Variants in NEBL observed in about 807,000 individuals in gnomAD.
NEBL encodes the protein LIM and SH3 protein 2.
Under a neutral mutation model 140.2 loss-of-function variants are expected in NEBL, and 122 were observed. The ratio of observed to expected loss-of-function variants is 0.87; its 90% CI spans 0.75 to 1.01. The LOEUF is 1.01. Among genes scored for constraint, NEBL ranks in the 50% least tolerant of loss-of-function variants. The probability of loss-of-function intolerance (pLI) is 0.00; values close to 1 mark genes in which losing one functional copy is unlikely to be tolerated. For synonymous variants in NEBL, 436 were observed against 398.9 expected, an observed-to-expected ratio of 1.09 and a Z score of -1.11; for missense variants, 1,365 against 1,231.3, an observed-to-expected ratio of 1.11 and a Z score of -1.62.
At chr10:21,175,945 A>G (rs1035795821), upstream of NEBL, among the ~76,000 whole-genome samples, 3 of 152,152 alleles carry the variant, frequency 2.0e-5, no homozygotes, top group Non-Finnish European at 2.9e-5. Flanking sequence ...GATATGTGAC[A>G]TTATAGCTGA....
chr10:20,859,023 C>G (rs1179057591), intron 8 of NEBL, among the ~76,000 whole-genome samples: 7 of 152,080 alleles, frequency 4.6e-5, no homozygotes, highest in Non-Finnish European at 1.0e-4. Context: ...TTCCATGTTC[C>G]TTTAAGTATA....
chr10:20,982,716 T>G (rs1425536137), intron 3 of NEBL, among the ~76,000 whole-genome samples: 1 of 152,224 alleles, frequency 6.6e-6, no homozygotes, highest in African/African-American at 2.4e-5. Context: ...GTTCTTAGTA[T>G]GGCCTTCCCC....
intron 2 of NEBL, among the ~76,000 whole-genome samples, chr10:21,112,459 AG>A (rs1462080316): frequency 3.3e-5 from 5 of 152,078 alleles, no homozygotes; most frequent in Non-Finnish European, 5.9e-5. Flanking sequence ...TGAAGCTGGA[AG>A]TGATCATTCT....
intron 2 of NEBL, among the ~76,000 whole-genome samples, chr10:21,074,566 C>T (rs1463250907): frequency 6.7e-6 from 1 of 149,738 alleles, no homozygotes; most frequent in Non-Finnish European, 1.5e-5. Context: ...CAACCTCTTC[C>T]TCCTGGGTTC....
At chr10:21,193,706 G>C (rs370197279) in intron 3 of NEBL, among the ~76,000 whole-genome samples, 1 of 152,148 alleles carries the variant, frequency 6.6e-6, no homozygotes, top group South Asian at 2.1e-4. Context: ...GCTTACTCAA[G>C]CACAGTACCA....
In NEBL at chr10:21,120,878, C is replaced by T. The variant is rs569417066; in HGVS notation, c.164+51505G>A. Among the ~76,000 whole-genome samples, 11 of 152,122 alleles carry T rather than the reference C, an allele frequency of 7.2e-5. No individual in the cohort carries two copies. In the South Asian group the frequency reaches 2.3e-3, roughly 32 times the overall value. Reference sequence around the variant, plus strand: ...CATTTTCCCTATGGTTAATCTGGTTCAAAGGAATTATTCCATTCTATTGTG... The same window carrying T: ...CATTTTCCCTATGGTTAATCTGGTTTAAAGGAATTATTCCATTCTATTGTG... On this transcript the variant is annotated intron_variant, in intron 2 of 6. Transcript: ENST00000417816.
Position 20,840,940 on chromosome 10 carries a change from G to T in NEBL, c.1228-91C>A. 7.7e-6 allele frequency: 6 copies of T among 776,982 alleles called. No homozygotes were observed. The South Asian group carries it at 8.9e-5, about 12-fold the overall frequency. The allele number at this position is 776,982 out of a possible 1,614,324, so 48.1% of individuals were successfully genotyped here. A position where few individuals can be genotyped will look rare whatever the true frequency, so the allele number is the denominator to read the frequency against. On this transcript the variant is annotated intron_variant, in intron 12 of 27. Transcript: ENST00000377122. ...CATGTTTTCTAGAGATCACAGAAAT[G>T]AGAAAATATTACTAGGAAGGAATGA...
intron 4 of NEBL, among the ~76,000 whole-genome samples, chr10:20,885,224 T>C (rs1298268862): frequency 6.6e-6 from 1 of 152,186 alleles, no homozygotes; most frequent in East Asian, 1.9e-4. Context: ...TTATCATAGA[T>C]ACTGTCAAAT....
Position 21,002,191 on chromosome 10 carries a change from TG to T in NEBL, c.249+17925del, listed in dbSNP as rs1219979805. ...TTTTTTTTTTATGGTGATGAAACAT[TG>T]TTTTTTTAAAATGTTGATTTACAGT... On this transcript the variant is annotated intron_variant, in intron 3 of 6. Transcript: ENST00000417816. Among the ~76,000 whole-genome samples, 7 of 152,030 alleles carry T rather than the reference TG, an allele frequency of 4.6e-5. No homozygotes were observed. In the South Asian group the frequency reaches 8.3e-4, roughly 18 times the overall value.
At chr10:21,158,271 G>C (rs1314182313) in intron 2 of NEBL, among the ~76,000 whole-genome samples, 1 of 152,074 alleles carries the variant, frequency 6.6e-6, no homozygotes, top group Non-Finnish European at 1.5e-5. Flanking sequence ...TAAAACTTGG[G>C]ATGTTTTCTC....
intron 2 of NEBL, among the ~76,000 whole-genome samples, chr10:21,154,271 C>T (rs1840251751): frequency 6.6e-6 from 1 of 151,904 alleles, no homozygotes; most frequent in Non-Finnish European, 1.5e-5. Flanking sequence ...CCAACCTGAT[C>T]AACATGGTGA....
intron 2 of NEBL, among the ~76,000 whole-genome samples, chr10:21,127,455 C>T (rs1238906475): frequency 6.6e-6 from 1 of 152,004 alleles, no homozygotes; most frequent in Non-Finnish European, 1.5e-5. Flanking sequence ...ACAGCTAAAT[C>T]TTCTGACCAA....
chr10:21,037,264 G>A (rs1834051428), intron 2 of NEBL, among the ~76,000 whole-genome samples: 1 of 151,898 alleles, frequency 6.6e-6, no homozygotes, highest in African/African-American at 2.4e-5. Context: ...ATGAGGGTGG[G>A]GGTGGAGGGG....
At chr10:20,933,458 G>A (rs570544203) in intron 4 of NEBL, among the ~76,000 whole-genome samples, 1 of 152,316 alleles carries the variant, frequency 6.6e-6, no homozygotes, top group Admixed American at 6.5e-5. Context: ...AGAAGGCCGG[G>A]TGCGGTGGCT....
chr10:21,278,442 T>C (rs909681505), intron 1 of NEBL, among the ~76,000 whole-genome samples: 1 of 152,110 alleles, frequency 6.6e-6, no homozygotes, highest in African/African-American at 2.4e-5. Context: ...AAACCCTCAC[T>C]CTAAAAAATG....
In NEBL at chr10:20,936,457, G is replaced by C. The variant is rs570253988; in HGVS notation, c.357+25215C>G. Reference sequence around the variant, plus strand: ...AAAGATTATGAAATCTGTATAAGCAGAATCCAAATTCAGTCTGCTTGTCAC... The same window carrying C: ...AAAGATTATGAAATCTGTATAAGCACAATCCAAATTCAGTCTGCTTGTCAC... On this transcript the variant is annotated intron_variant, in intron 4 of 6. Coordinates refer to the NEBL transcript ENST00000417816. Among the ~76,000 whole-genome samples, 12 of 152,298 alleles carry C rather than the reference G, an allele frequency of 7.9e-5. No homozygotes were observed. The East Asian group carries it at 2.3e-3, about 29-fold the overall frequency.
chr10:21,053,524 G>C (rs771260151), intron 2 of NEBL, among the ~76,000 whole-genome samples: 10 of 152,116 alleles, frequency 6.6e-5, no homozygotes, highest in Non-Finnish European at 1.5e-4. Context: ...AGTAGTTAAG[G>C]AAAAAGATAA....
intron 2 of NEBL, among the ~76,000 whole-genome samples, chr10:21,037,456 A>G (rs954846201): frequency 6.6e-6 from 1 of 152,108 alleles, no homozygotes; most frequent in Non-Finnish European, 1.5e-5. Context: ...AAAAATGGGA[A>G]TCAGAAATAC....
chr10:21,052,529 C>T (rs1834823276), intron 2 of NEBL, among the ~76,000 whole-genome samples: 1 of 152,176 alleles, frequency 6.6e-6, no homozygotes, highest in African/African-American at 2.4e-5. Flanking sequence ...GGGGACTCAC[C>T]CCTGCCCTTC....
Sources: gnomAD v4.1 joint callset for allele counts (sites outside exome capture counted in the v4.1 genomes callset) on GRCh38, gnomAD v4.1.1 for gene constraint, MANE v1.5 for transcripts, NCBI Gene and HGNC (gene_info 2026-07-23, HGNC 2026-07-21) for gene names.